AVEN: variants seen among roughly 807,000 people sequenced by gnomAD.
AVEN encodes apoptosis and caspase activation inhibitor, also known as cell death regulator Aven.
AVEN carries 41 observed loss-of-function variants against 38.1 expected under a neutral mutation model. The observed-to-expected ratio is 1.08, with a 90% CI of 0.84 to 1.40. The LOEUF (loss-of-function observed/expected upper bound fraction) is 1.40, where lower values mean the gene tolerates loss of function less well. Ranked by LOEUF, AVEN falls within the 40% of genes most tolerant of loss-of-function variation. The pLI, the probability that AVEN is intolerant of heterozygous loss-of-function variation, is 0.00. For synonymous variants in AVEN, 206 were observed against 171.8 expected, an observed-to-expected ratio of 1.20 and a Z score of -1.56; for missense variants, 605 against 438.8, an observed-to-expected ratio of 1.38 and a Z score of -3.38.
chr15:34,038,912 CCCGCCGCCG>C lies in AVEN; in HGVS notation c.126_134del (p.Gly43_Gly45del), dbSNP rs930200206. The C allele has an allele frequency of 4.5e-6, 5 of 1,111,812 alleles. No individual in the cohort carries two copies. Among genetic ancestry groups the C allele is most frequent in the Non-Finnish European group, 5.5e-6 (5 of 915,886 alleles). The allele number at this position is 1,111,812 out of a possible 1,614,324, so 68.9% of individuals were successfully genotyped here. A position where few individuals can be genotyped will look rare whatever the true frequency, so the allele number is the denominator to read the frequency against. Reference sequence around the variant, plus strand: ...CACGGCCCCGGCGTCCGCCTCCGTCCCCGCCGCCGCCTCCGCCGCCGCCTCTGGCTACCG... The same window carrying C: ...CACGGCCCCGGCGTCCGCCTCCGTCCCCTCCGCCGCCGCCTCTGGCTACCG... On this transcript the variant is annotated inframe_deletion, in exon 1 of 6. Transcript: ENST00000306730.
chr15:33,900,308 ATTT>A (rs59027472), intron 2 of AVEN, among the ~76,000 whole-genome samples: 13,425 of 147,638 alleles, frequency 0.091, 744 homozygotes, highest in African/African-American at 0.14. Flanking sequence ...TTGGGAGAAC[ATTT>A]TTTTTTTTTT....
chr15:33,985,859 G>A (rs488762), intron 2 of AVEN, among the ~76,000 whole-genome samples: 142,242 of 152,166 alleles, frequency 0.93, 67,083 homozygotes, highest in Non-Finnish European at 1. Flanking sequence ...TTCAAGAAAT[G>A]TTCAGTGAAA....
intron 2 of AVEN, among the ~76,000 whole-genome samples, chr15:33,902,332 AC>A (rs994264930): frequency 2.0e-5 from 3 of 152,112 alleles, no homozygotes; most frequent in African/African-American, 7.2e-5. Context: ...AGATTTAAAA[AC>A]CCCATGATCA....
chr15:33,979,418 A>G (rs1896036662), intron 2 of AVEN, among the ~76,000 whole-genome samples: 1 of 152,144 alleles, frequency 6.6e-6, no homozygotes, highest in Non-Finnish European at 1.5e-5. Context: ...CTGAGGTGGA[A>G]GGATCACATG....
intron 11 of AVEN, chr15:33,859,569 C>G (rs1452735268): frequency 6.2e-7 from 1 of 1,613,630 alleles, no homozygotes; most frequent in East Asian, 2.2e-5. Flanking sequence ...TATTTTTCTT[C>G]TCTAGTGTTA....
intron 2 of AVEN, among the ~76,000 whole-genome samples, chr15:33,907,489 G>T (rs1319023583): frequency 6.6e-6 from 1 of 152,154 alleles, no homozygotes; most frequent in Non-Finnish European, 1.5e-5. Context: ...TTTTTCACTG[G>T]TTTAAAAGAT....
chr15:34,011,702 C>T lies in AVEN; in HGVS notation c.268-8493G>A, dbSNP rs144405713. ...GCTGTTCAACCACTCATCTCACAGG[C>T]CTCTCATTCCATCTCTCTCTTTCCC... is the stretch of plus-strand genomic sequence containing the variant. On this transcript the variant is annotated intron_variant, in intron 1 of 5. Coordinates refer to ENST00000306730, the MANE Select transcript of AVEN (RefSeq NM_020371.3). Among the ~76,000 whole-genome samples the T allele has an allele frequency of 1.6e-3, 247 of 152,282 alleles. 1 individual carries two copies. The highest frequency in any genetic ancestry group is 5.5e-3 in the African/African-American group (230 of 41,550).
At chr15:33,886,562 C>G (rs1412645468) in intron 2 of AVEN, among the ~76,000 whole-genome samples, 1 of 152,138 alleles carries the variant, frequency 6.6e-6, no homozygotes, top group Non-Finnish European at 1.5e-5. Flanking sequence ...CTCAGCCTCC[C>G]AAAGGAGAGT....
intron 2 of AVEN, among the ~76,000 whole-genome samples, chr15:33,906,345 T>C (rs1473281378): frequency 1.3e-5 from 2 of 152,224 alleles, no homozygotes; most frequent in African/African-American, 2.4e-5. Flanking sequence ...TTTAGAGATA[T>C]AAAACATGAG....
intron 4 of AVEN, chr15:34,064,388 G>T: frequency 6.8e-7 from 1 of 1,463,286 alleles, no homozygotes; most frequent in Non-Finnish European, 9.1e-7. Flanking sequence ...AGCTGATTCT[G>T]GTTTGTATAT....
At chr15:33,994,584 A>G (rs1457484417) in intron 2 of AVEN, among the ~76,000 whole-genome samples, 1 of 152,216 alleles carries the variant, frequency 6.6e-6, no homozygotes, top group Non-Finnish European at 1.5e-5. Context: ...CCTCTGCTCT[A>G]GAGTATCCTT....
At chr15:34,070,235 T>A (rs1428438645) in intron 2 of AVEN, among the ~76,000 whole-genome samples, 2 of 152,048 alleles carry the variant, frequency 1.3e-5, no homozygotes, top group Non-Finnish European at 2.9e-5. Flanking sequence ...TTCAACTACC[T>A]CCCACTGGGT....
intron 2 of AVEN, among the ~76,000 whole-genome samples, chr15:33,986,041 T>C (rs74007648): frequency 0.02 from 3,004 of 152,254 alleles, 100 homozygotes; most frequent in African/African-American, 0.068. Flanking sequence ...TTCTATTAAG[T>C]TGATTTTTGT....
intron 1 of AVEN, among the ~76,000 whole-genome samples, chr15:34,008,320 C>G (rs1424762578): frequency 6.6e-6 from 1 of 151,664 alleles, no homozygotes; most frequent in East Asian, 2.0e-4. Flanking sequence ...ACTCAGGAGG[C>G]TGAGGTGATA....
At chr15:33,856,417 C>A (rs2079665354), downstream of AVEN, 2 of 152,238 alleles carry the variant, frequency 1.3e-5, no homozygotes, top group South Asian at 4.1e-4. Context: ...ATGTGCAGGT[C>A]CTGTGTACTC....
intron 5 of AVEN, among the ~76,000 whole-genome samples, chr15:34,057,929 G>A (rs993176075): frequency 1.9e-4 from 29 of 152,190 alleles, no homozygotes; most frequent in Admixed American, 1.8e-3. Flanking sequence ...TTTTAGCAAA[G>A]AGCTTATTCC....
intron 3 of AVEN, among the ~76,000 whole-genome samples, chr15:33,873,909 T>C (rs960595103): frequency 1.3e-5 from 2 of 152,134 alleles, no homozygotes; most frequent in African/African-American, 4.8e-5. Flanking sequence ...CACTCAAGTC[T>C]TGTCTATGAG....
At chr15:34,015,488 T>C (rs138161905) in intron 1 of AVEN, among the ~76,000 whole-genome samples, 1 of 150,202 alleles carries the variant, frequency 6.7e-6, no homozygotes, top group Non-Finnish European at 1.5e-5. Context: ...TCTCAAAAAA[T>C]AAAAAAAAAT....
chr15:33,867,232 G>A (rs575323336), intron 5 of AVEN, among the ~76,000 whole-genome samples: 53 of 152,304 alleles, frequency 3.5e-4, no homozygotes, highest in African/African-American at 1.2e-3. Context: ...TTCTGATAGC[G>A]GAAATTCCAT....
Sources: gnomAD v4.1 joint callset for allele counts (sites outside exome capture counted in the v4.1 genomes callset) on GRCh38, gnomAD v4.1.1 for gene constraint, MANE v1.5 for transcripts, NCBI Gene and HGNC (gene_info 2026-07-23, HGNC 2026-07-21) for gene names.